Variants in ANO10 observed in about 807,000 individuals in gnomAD.
The protein encoded by ANO10 is anoctamin 10.
Under a neutral mutation model 74.7 loss-of-function variants are expected in ANO10, and 77 were observed. The ratio of observed to expected loss-of-function variants is 1.03; its 90% CI spans 0.86 to 1.25. The LOEUF is 1.25. Among genes scored for constraint, ANO10 ranks in the 50% most tolerant of loss-of-function variants. ANO10 has a pLI of 0.00. For synonymous variants in ANO10, 279 were observed against 284.9 expected, an observed-to-expected ratio of 0.98 and a Z score of 0.21; for missense variants, 721 against 778.1, an observed-to-expected ratio of 0.93 and a Z score of 0.87.
chr3:43,529,352 T>C (rs368650057), intron 11 of ANO10, among the ~76,000 whole-genome samples: 1 of 152,218 alleles, frequency 6.6e-6, no homozygotes, highest in Non-Finnish European at 1.5e-5. Context: ...ACTTGAGAAC[T>C]CTTCTTGAGA....
intron 11 of ANO10, among the ~76,000 whole-genome samples, chr3:43,516,890 C>T (rs554881613): frequency 2.0e-5 from 3 of 152,260 alleles, no homozygotes; most frequent in Admixed American, 1.3e-4. Context: ...AGGGGTAGGG[C>T]TCCAGGGAGG....
In ANO10 at chr3:43,504,030, G is replaced by A. The variant is rs374446482; in HGVS notation, c.1797+45690C>T. ...TATAATCCTAGCATTTTGGGAGGCT[G>A]AGGCCAAGGCGGTGGATCACCTGAG... On this transcript the variant is annotated intron_variant, in intron 11 of 12. Coordinates refer to ENST00000292246, the MANE Select transcript of ANO10 (RefSeq NM_018075.5). 8.5e-5 allele frequency among the ~76,000 whole-genome samples: 13 copies of A among 152,222 alleles called. 1 individual carries two copies. Among genetic ancestry groups the A allele is most frequent in the East Asian group, 7.7e-4 (4 of 5,162 alleles).
chr3:43,611,040 A>G (rs2082791571), intron 1 of ANO10, among the ~76,000 whole-genome samples: 1 of 152,170 alleles, frequency 6.6e-6, no homozygotes, highest in African/African-American at 2.4e-5. Context: ...AATTTGAGCT[A>G]TCCTCTGAAA....
intron 10 of ANO10, among the ~76,000 whole-genome samples, chr3:43,554,581 C>T (rs74594620): frequency 9.3e-4 from 142 of 152,244 alleles, no homozygotes; most frequent in African/African-American, 3.2e-3. Context: ...TAGTTGATTT[C>T]TCTGACACCA....
chr3:43,563,440 G>A (rs1476135053), intron 8 of ANO10, among the ~76,000 whole-genome samples: 3 of 113,068 alleles, frequency 2.7e-5, no homozygotes, highest in African/African-American at 3.3e-5. Flanking sequence ...TTTTTTTTGA[G>A]ACATCTAAAA....
At chr3:43,651,610 A>C (rs1167906180) in intron 1 of ANO10, among the ~76,000 whole-genome samples, 1 of 152,232 alleles carries the variant, frequency 6.6e-6, no homozygotes, top group Non-Finnish European at 1.5e-5. Flanking sequence ...CCTTAAGAGC[A>C]GAATTTTTCT....
chr3:43,460,947 G>T (rs550595402), intron 11 of ANO10, among the ~76,000 whole-genome samples: 1 of 150,168 alleles, frequency 6.7e-6, no homozygotes, highest in South Asian at 2.1e-4. Context: ...AAAAGCTGAG[G>T]AATCTAATCT....
At chr3:43,398,215 A>G (rs1339338688) in intron 12 of ANO10, among the ~76,000 whole-genome samples, 1 of 152,244 alleles carries the variant, frequency 6.6e-6, no homozygotes, top group Non-Finnish European at 1.5e-5. Context: ...CAACTTAACA[A>G]CAAGGACTCT....
chr3:43,495,814 C>T (rs1017821669), intron 11 of ANO10, among the ~76,000 whole-genome samples: 2 of 152,134 alleles, frequency 1.3e-5, no homozygotes, highest in African/African-American at 4.8e-5. Context: ...ATTCTCCTGC[C>T]TCAGCCTCCC....
At position 43,577,116 on chromosome 3, in the gene ANO10, A is replaced by G. The variant is rs531102308; in HGVS notation, c.738T>C (p.Phe246=). The part of the protein sequence containing the change: ...VWEDYDKYVI[F]ASFNLIWSTV... Reference sequence around the variant, plus strand: ...TGGACCAGATGAGGTTGAACGAGGCAAAGATCACGTACTTGTCATAGTCTT... The same window carrying G: ...TGGACCAGATGAGGTTGAACGAGGCGAAGATCACGTACTTGTCATAGTCTT... The change falls in exon 6 of 13, where the codon TTT becomes TTC. Residue 246 remains phenylalanine (F), a synonymous_variant. Coordinates refer to ENST00000292246, the MANE Select transcript of ANO10 (RefSeq NM_018075.5). 4.3e-6 allele frequency: 7 copies of G among 1,614,210 alleles called. No homozygotes were observed. In the South Asian group the frequency reaches 7.7e-5, roughly 18 times the overall value.
At chr3:43,678,848 A>G (rs1169139223) in intron 1 of ANO10, among the ~76,000 whole-genome samples, 2 of 152,214 alleles carry the variant, frequency 1.3e-5, no homozygotes, top group African/African-American at 4.8e-5. Flanking sequence ...ATATTTTAAA[A>G]ATTACACATT....
rs1331116647 is a variant in ANO10, at chr3:43,670,350, AAATAAAAT to A, written c.-12+21159_-12+21166del. Among the ~76,000 whole-genome samples, 93 of 151,550 alleles carry A rather than the reference AAATAAAAT, an allele frequency of 6.1e-4. 2 individuals carry two copies. The highest frequency in any genetic ancestry group is 2.2e-3 in the African/African-American group (90 of 41,346). On this transcript the variant is annotated intron_variant, in intron 1 of 3. Coordinates refer to the ANO10 transcript ENST00000413397. ...TAAATAAATAAATAAATAAATAAAT[AAATAAAAT>A]AATAAATCTGGAGATCATTTCTAAT...
At chr3:43,369,682 GGT>G (rs2091538367) in intron 12 of ANO10, among the ~76,000 whole-genome samples, 1 of 152,138 alleles carries the variant, frequency 6.6e-6, no homozygotes, top group Non-Finnish European at 1.5e-5. Context: ...CCAGGGCCAT[GGT>G]ATGGAGGGGG....
intron 11 of ANO10, among the ~76,000 whole-genome samples, chr3:43,464,505 C>T (rs1428083690): frequency 6.6e-6 from 1 of 152,068 alleles, no homozygotes; most frequent in African/African-American, 2.4e-5. Flanking sequence ...CATAGCAAGA[C>T]CCTGCAGCTA....
chr3:43,685,342 G>A (rs1280076913), intron 1 of ANO10, among the ~76,000 whole-genome samples: 1 of 152,008 alleles, frequency 6.6e-6, no homozygotes, highest in South Asian at 2.1e-4. Context: ...ATATCAATAT[G>A]CTCTGGAGTA....
chr3:43,393,645 C>G (rs965679902), intron 12 of ANO10, among the ~76,000 whole-genome samples: 13 of 152,298 alleles, frequency 8.5e-5, no homozygotes, highest in Middle Eastern at 3.4e-3. Flanking sequence ...CCACACTGGT[C>G]TCCATGTCTC....
At chr3:43,407,701 G>A (rs951821850) in intron 12 of ANO10, among the ~76,000 whole-genome samples, 17 of 152,310 alleles carry the variant, frequency 1.1e-4, no homozygotes, top group Non-Finnish European at 2.2e-4. Flanking sequence ...TGCCAACAAA[G>A]GACAGCCTCA....
intron 12 of ANO10, among the ~76,000 whole-genome samples, chr3:43,425,714 TA>T (rs1463403679): frequency 6.6e-6 from 1 of 152,166 alleles, no homozygotes; most frequent in African/African-American, 2.4e-5. Flanking sequence ...CTGGCTGCAG[TA>T]CAGCATCACA....
At chr3:43,614,776 T>TAC (rs906448461) in intron 1 of ANO10, among the ~76,000 whole-genome samples, 2 of 102,678 alleles carry the variant, frequency 1.9e-5, no homozygotes, top group African/African-American at 4.1e-5. Flanking sequence ...CTAAACTATA[T>TAC]ATATATATAT....
Sources: allele counts gnomAD v4.1 joint callset (sites outside exome capture counted in the v4.1 genomes callset), GRCh38; gene constraint gnomAD v4.1.1; transcripts MANE v1.5; gene names NCBI Gene and HGNC (gene_info 2026-07-23, HGNC 2026-07-21).